The following PDE11A variants were observed in gnomAD, a reference collection of about 807,000 sequenced individuals.
The protein encoded by PDE11A is phosphodiesterase 11A.
In PDE11A, 100 loss-of-function variants were observed where a neutral mutation model predicts 100.5. That is an observed-to-expected ratio of 1.00 (90% CI 0.85 to 1.18). The LOEUF (loss-of-function observed/expected upper bound fraction) is 1.18, where lower values mean the gene tolerates loss of function less well. Among genes scored for constraint, PDE11A ranks in the 50% most tolerant of loss-of-function variants. The pLI, the probability that PDE11A is intolerant of heterozygous loss-of-function variation, is 0.00. For missense variants in PDE11A, 1,141 were observed against 1,152.6 expected, an observed-to-expected ratio of 0.99 and a Z score of 0.15; for synonymous variants, 381 against 420.8, an observed-to-expected ratio of 0.91 and a Z score of 1.16.
rs547491886 is a variant in PDE11A, at chr2:178,071,867, C to G, written c.571G>C (p.Asp191His). ...TGCTTTTTCAGATGGCACTTGTAGT[C>G]GATGGCTGTAGGGGGATACCGAGGC... ...NLPRYPPTAI[D>H]YKCHLKKHNE... The change falls in exon 1 of 20, where the codon GAC becomes CAC. Residue 191 changes from aspartate to histidine, a missense_variant. Asp to His is a moderately conservative substitution (Grantham distance 81). Coordinates refer to ENST00000286063, the MANE Select transcript of PDE11A (RefSeq NM_016953.4). 1.9e-6 allele frequency: 3 copies of G among 1,613,870 alleles called. No individual in the cohort carries two copies. The highest frequency in any genetic ancestry group is 2.5e-6 in the Non-Finnish European group (3 of 1,179,910).
At chr2:177,936,958 A>G (rs1352696562) in intron 2 of PDE11A, among the ~76,000 whole-genome samples, 1 of 152,092 alleles carries the variant, frequency 6.6e-6, no homozygotes, top group African/African-American at 2.4e-5. Flanking sequence ...TTTATTAAAT[A>G]TTTATATTTT....
upstream of PDE11A, among the ~76,000 whole-genome samples, chr2:178,074,822 T>C (rs1041757973): frequency 6.6e-6 from 1 of 152,190 alleles, no homozygotes; most frequent in Non-Finnish European, 1.5e-5. Context: ...GCTGTAGCCA[T>C]GTTCCCTGCT....
chr2:178,072,641 T>C lies in PDE11A; in HGVS notation c.-204A>G. 6.8e-7 allele frequency: 1 copy of C among 1,475,682 alleles called. No individual in the cohort carries two copies. Among genetic ancestry groups the C allele is most frequent in the Non-Finnish European group, 9.0e-7 (1 of 1,116,286 alleles). The allele number at this position is 1,475,682 out of a possible 1,614,324, so 91.4% of individuals were successfully genotyped here. On this transcript the variant is annotated 5_prime_UTR_variant, in exon 1 of 20. Coordinates refer to ENST00000286063, the MANE Select transcript of PDE11A (RefSeq NM_016953.4). ...AGTGGCTGGCGCCGACCCCACCCCG[T>C]GGTCCTGCTACTCCTGCTCCGCACA... is the stretch of plus-strand genomic sequence containing the variant.
chr2:177,904,842 T>A (rs1405808055), intron 3 of PDE11A, among the ~76,000 whole-genome samples: 2 of 152,160 alleles, frequency 1.3e-5, no homozygotes, highest in Non-Finnish European at 2.9e-5. Flanking sequence ...GCTTAAGCCA[T>A]CGTGCCCAGC....
chr2:177,658,221 T>C (rs1190972033), intron 19 of PDE11A, among the ~76,000 whole-genome samples: 1 of 152,152 alleles, frequency 6.6e-6, no homozygotes, highest in Non-Finnish European at 1.5e-5. Flanking sequence ...GTGAGTTCCC[T>C]GGTACCTAGA....
intron 10 of PDE11A, among the ~76,000 whole-genome samples, chr2:177,757,192 A>G (rs1574110992): frequency 6.6e-6 from 1 of 152,350 alleles, no homozygotes; most frequent in South Asian, 2.1e-4. Context: ...TAAGGCACCA[A>G]AAACTGGCCT....
chr2:178,050,733 G>C (rs965190618), intron 1 of PDE11A, among the ~76,000 whole-genome samples: 1 of 152,118 alleles, frequency 6.6e-6, no homozygotes, highest in Non-Finnish European at 1.5e-5. Flanking sequence ...TAGCCGATTC[G>C]ATCAACTGGA....
intron 2 of PDE11A, among the ~76,000 whole-genome samples, chr2:178,013,402 A>G (rs923415575): frequency 2.0e-5 from 3 of 152,194 alleles, no homozygotes; most frequent in African/African-American, 7.2e-5. Flanking sequence ...AATGACCTCA[A>G]TCAAGGACTG....
Position 177,718,261 on chromosome 2 carries a change from C to G in PDE11A, c.2044-6383G>C, listed in dbSNP as rs80004606. On this transcript the variant is annotated intron_variant, in intron 12 of 19. Transcript: ENST00000286063. Reference sequence around the variant, plus strand: ...CATTTTGTAGATGAAAACATTGAGGCACCAGGTTACAAGACTACAAAGTAA... The same window carrying G: ...CATTTTGTAGATGAAAACATTGAGGGACCAGGTTACAAGACTACAAAGTAA... Among the ~76,000 whole-genome samples, 274 of 152,282 alleles carry G rather than the reference C, an allele frequency of 1.8e-3. 1 individual carries two copies. Among genetic ancestry groups the G allele is most frequent in the African/African-American group, 6.4e-3 (264 of 41,544 alleles).
chr2:177,738,183 G>A (rs1486683622), intron 10 of PDE11A, among the ~76,000 whole-genome samples: 7 of 152,108 alleles, frequency 4.6e-5, no homozygotes, highest in African/African-American at 1.4e-4. Context: ...AAGACACATA[G>A]AGGAGTCCCT....
chr2:178,062,253 A>G (rs2086981284), intron 1 of PDE11A, among the ~76,000 whole-genome samples: 1 of 150,480 alleles, frequency 6.6e-6, no homozygotes, highest in Non-Finnish European at 1.5e-5. Context: ...GGCTATGGCT[A>G]GGGCTGTCTT....
At chr2:177,631,568 T>TATCTATATATAC (rs1559117469) in intron 19 of PDE11A, among the ~76,000 whole-genome samples, 5 of 37,190 alleles carry the variant, frequency 1.3e-4, no homozygotes, top group African/African-American at 5.3e-4. Flanking sequence ...TATATATATA[T>TATCTATATATAC]ACATGTATAT....
In PDE11A at chr2:177,879,743, G is replaced by A. The variant is rs1386488739; in HGVS notation, c.1303-3820C>T. Among the ~76,000 whole-genome samples the A allele has an allele frequency of 5.3e-5, 8 of 152,124 alleles. No individual in the cohort carries two copies. The South Asian group carries it at 1.2e-3, about 24-fold the overall frequency. ...AAGAAATGGAATAGGAAATAATAGC[G>A]TTTCAAAGCCATAGAACCTGTAGAT... On this transcript the variant is annotated intron_variant, in intron 4 of 19. Transcript: ENST00000286063.
At chr2:177,998,261 T>C (rs1049785992) in intron 2 of PDE11A, 5 of 831,056 alleles carry the variant, frequency 6.0e-6, no homozygotes, top group Non-Finnish European at 1.1e-5. Context: ...GCTCTTCCAC[T>C]TCCTTTGTTA....
At chr2:177,963,175 T>C (rs1198808773) in intron 2 of PDE11A, among the ~76,000 whole-genome samples, 4 of 152,176 alleles carry the variant, frequency 2.6e-5, no homozygotes, top group Non-Finnish European at 5.9e-5. Flanking sequence ...TGCTTCCAAA[T>C]GATTAAATAT....
chr2:177,998,017 G>C, intron 2 of PDE11A: 2 of 1,246,666 alleles, frequency 1.6e-6, no homozygotes, highest in Non-Finnish European at 2.4e-6. Context: ...GGAATGGACA[G>C]TTTTAGAGAA....
chr2:177,771,798 T>C (rs2082314312), intron 9 of PDE11A, among the ~76,000 whole-genome samples: 1 of 151,536 alleles, frequency 6.6e-6, no homozygotes, highest in Non-Finnish European at 1.5e-5. Flanking sequence ...AGGTGAGGAG[T>C]TCAATACCAG....
At chr2:177,812,656 G>C (rs937811296) in intron 9 of PDE11A, among the ~76,000 whole-genome samples, 4 of 152,082 alleles carry the variant, frequency 2.6e-5, no homozygotes, top group African/African-American at 9.7e-5. Flanking sequence ...TCATAACCCA[G>C]AGACCACCCA....
intron 9 of PDE11A, among the ~76,000 whole-genome samples, chr2:177,788,500 C>A (rs2082575792): frequency 6.6e-6 from 1 of 151,576 alleles, no homozygotes; most frequent in South Asian, 2.1e-4. Context: ...AGAGCAAACA[C>A]ATTCAAAAGC....
Sources: allele counts gnomAD v4.1 joint callset (sites outside exome capture counted in the v4.1 genomes callset), GRCh38; gene constraint gnomAD v4.1.1; transcripts MANE v1.5; gene names NCBI Gene and HGNC (gene_info 2026-07-23, HGNC 2026-07-21).